The following GLRA3 variants were observed in gnomAD, a reference collection of about 807,000 sequenced individuals.
GLRA3 encodes glycine receptor alpha 3.
In GLRA3, 44 loss-of-function variants were observed where a neutral mutation model predicts 60.4. The observed-to-expected ratio is 0.73, with a 90% CI of 0.57 to 0.94. GLRA3 has a LOEUF of 0.94. Ranked by LOEUF, GLRA3 falls within the 40% of genes least tolerant of loss-of-function variation. The pLI is 0.00. For missense variants in GLRA3, 508 were observed against 564.6 expected, an observed-to-expected ratio of 0.90 and a Z score of 1.02; for synonymous variants, 223 against 192.9, an observed-to-expected ratio of 1.16 and a Z score of -1.29.
intron 2 of GLRA3, 29 bp downstream of exon 2, chr4:174,788,787 A>G (rs1235756581): frequency 1.3e-6 from 2 of 1,504,538 alleles, no homozygotes; most frequent in Non-Finnish European, 1.8e-6. Flanking sequence ...TTTAAAACAC[A>G]CATATAAAGT....
intron 4 of GLRA3, 30 bp from the exon 5 acceptor site, chr4:174,715,600 A>G (rs1180619102): frequency 2.0e-6 from 2 of 1,009,226 alleles, no homozygotes; most frequent in African/African-American, 3.2e-5. Context: ...TTTTTAAAGG[A>G]AATTTATGAC....
chr4:174,786,006 C>A (rs937146470), intron 2 of GLRA3, among the ~76,000 whole-genome samples: 29 of 138,182 alleles, frequency 2.1e-4, no homozygotes, highest in African/African-American at 7.6e-4. Flanking sequence ...TAGCCTCAAT[C>A]AATCCTCCTG....
chr4:174,720,473 G>GA (rs535744599), intron 4 of GLRA3, among the ~76,000 whole-genome samples: 8 of 152,208 alleles, frequency 5.3e-5, no homozygotes, highest in African/African-American at 1.7e-4. Context: ...ATGTATCTAA[G>GA]AAAAAATGAG....
chr4:174,798,970 A>G (rs1276485981), intron 1 of GLRA3, among the ~76,000 whole-genome samples: 2 of 152,158 alleles, frequency 1.3e-5, no homozygotes, highest in Non-Finnish European at 2.9e-5. Context: ...GGAGACAGAG[A>G]AATAGCTAAA....
In GLRA3 at chr4:174,643,147, CTTG is replaced by C; in HGVS notation, c.*636_*638del. On this transcript the variant is annotated 3_prime_UTR_variant, in exon 10 of 10. Transcript: ENST00000274093. ...GTAGATTGTGACTGTAACACGATCTCTTGTTATTTGTTTTAAATTTGCACAGAG... is the reference window on the plus strand; with the variant it reads ...GTAGATTGTGACTGTAACACGATCTCTTATTTGTTTTAAATTTGCACAGAG... The C allele has an allele frequency of 3.4e-6, 3 of 871,310 alleles. No homozygotes were observed. The highest frequency in any genetic ancestry group is 3.7e-5 in the African/African-American group (2 of 54,408). The allele number at this position is 871,310 out of a possible 1,614,324, so 54.0% of individuals were successfully genotyped here.
chr4:174,705,030 C>A (rs986021138), intron 5 of GLRA3, among the ~76,000 whole-genome samples: 4 of 143,460 alleles, frequency 2.8e-5, no homozygotes, highest in Admixed American at 1.4e-4. Context: ...TGTGAAGATA[C>A]CAAATACTAC....
intron 2 of GLRA3, among the ~76,000 whole-genome samples, chr4:174,773,605 G>A (rs189985769): frequency 3.9e-5 from 6 of 152,158 alleles, no homozygotes; most frequent in Admixed American, 3.3e-4. Context: ...CTAGAGACTT[G>A]TTTTATTTTA....
At chr4:174,735,735 A>AT (rs1462734825) in intron 3 of GLRA3, among the ~76,000 whole-genome samples, 3 of 151,746 alleles carry the variant, frequency 2.0e-5, no homozygotes, top group African/African-American at 4.8e-5. Flanking sequence ...TAATTTTTGG[A>AT]TTTTTTAGCA....
At chr4:174,662,474 C>A (rs1198870537) in intron 7 of GLRA3, among the ~76,000 whole-genome samples, 1 of 152,152 alleles carries the variant, frequency 6.6e-6, no homozygotes, top group Non-Finnish European at 1.5e-5. Context: ...TCTTAAGGAT[C>A]AACACCCTAC....
At chr4:174,767,419 A>G (rs1300977090) in intron 2 of GLRA3, among the ~76,000 whole-genome samples, 1 of 151,926 alleles carries the variant, frequency 6.6e-6, no homozygotes, top group Non-Finnish European at 1.5e-5. Flanking sequence ...TTTTTGTTGA[A>G]AATTGAATAC....
intron 2 of GLRA3, among the ~76,000 whole-genome samples, chr4:174,778,909 T>C (rs1373164040): frequency 3.9e-5 from 6 of 152,170 alleles, no homozygotes; most frequent in African/African-American, 1.4e-4. Context: ...CGCCCGCCAT[T>C]GCCCAGGCTT....
At position 174,643,858 on chromosome 4, in the gene GLRA3, CA is replaced by C. The variant is rs1411021425; in HGVS notation, c.1322del (p.Leu441Ter). 6.2e-7 allele frequency: 1 copy of C among 1,613,914 alleles called. No homozygotes were observed. Among genetic ancestry groups the C allele is most frequent in the South Asian group, 1.1e-5 (1 of 91,078 alleles). On this transcript the variant is annotated frameshift_variant, in exon 10 of 10. Transcript: ENST00000274093. LOFTEE classifies it high-confidence loss of function. ...TAACCCAGTAGAAAATATTAAAAAT[CA>C]AAAAAGCTAATGGGAAGCAGGCTCG... Reference protein sequence around the residue: ...ISRACFPLAFLIFNIFYWVIY... With the variant: ...ISRACFPLAFXIFNIFYWVIY...
At chr4:174,666,756 ATAT>A (rs1288876074) in intron 7 of GLRA3, among the ~76,000 whole-genome samples, 6 of 47,006 alleles carry the variant, frequency 1.3e-4, no homozygotes, top group African/African-American at 1.1e-3. Context: ...ATATATATAT[ATAT>A]TATATATATA....
At chr4:174,736,417 G>C (rs1736791835) in intron 3 of GLRA3, among the ~76,000 whole-genome samples, 1 of 151,978 alleles carries the variant, frequency 6.6e-6, no homozygotes, top group African/African-American at 2.4e-5. Flanking sequence ...CCACCACCTA[G>C]TTTCACAACA....
chr4:174,789,935 C>T (rs1739259062), intron 1 of GLRA3, among the ~76,000 whole-genome samples: 1 of 152,202 alleles, frequency 6.6e-6, no homozygotes. Flanking sequence ...ATGATCATAA[C>T]AAGATCAGTT....
intron 3 of GLRA3, among the ~76,000 whole-genome samples, chr4:174,754,480 C>A (rs922049949): frequency 6.6e-5 from 10 of 152,024 alleles, no homozygotes; most frequent in African/African-American, 2.2e-4. Context: ...AAAAGGATAG[C>A]AGGATACTTT....
intron 7 of GLRA3, among the ~76,000 whole-genome samples, chr4:174,675,509 G>C (rs979984460): frequency 3.9e-5 from 6 of 152,040 alleles, no homozygotes; most frequent in Admixed American, 6.6e-5. Flanking sequence ...ACAGCATACA[G>C]ACAAATGAGC....
At chr4:174,691,428 C>T (rs1734795554) in intron 5 of GLRA3, among the ~76,000 whole-genome samples, 1 of 152,156 alleles carries the variant, frequency 6.6e-6, no homozygotes, top group Non-Finnish European at 1.5e-5. Context: ...CACGGTCTCC[C>T]TCTGATGCCC....
At chr4:174,699,672 A>T (rs1479619074) in intron 5 of GLRA3, among the ~76,000 whole-genome samples, 1 of 152,104 alleles carries the variant, frequency 6.6e-6, no homozygotes, top group South Asian at 2.1e-4. Flanking sequence ...TATTTAAGGC[A>T]TATTAGTTGA....
Sources: gnomAD v4.1 joint callset for allele counts (sites outside exome capture counted in the v4.1 genomes callset) on GRCh38, gnomAD v4.1.1 for gene constraint, MANE v1.5 for transcripts, NCBI Gene and HGNC (gene_info 2026-07-23, HGNC 2026-07-21) for gene names.